Variants in BPNT1 observed in about 807,000 individuals in gnomAD.
BPNT1 encodes 3'(2'),5'-bisphosphate nucleotidase 1.
A neutral mutation model predicts 36.9 loss-of-function variants in BPNT1; 28 were observed. The observed-to-expected ratio is 0.76, with a 90% CI of 0.56 to 1.04. The LOEUF (loss-of-function observed/expected upper bound fraction) is 1.04, where lower values mean the gene tolerates loss of function less well. BPNT1 is among the 50% of genes least tolerant of loss of function. The pLI is 0.00. For synonymous variants in BPNT1, 119 were observed against 130.9 expected (o/e 0.91, Z 0.62); for missense variants, 313 against 372.9 (o/e 0.84, Z 1.32).
chr1:220,077,245 T>G (rs1011913617), intron 2 of BPNT1, among the ~76,000 whole-genome samples: 1 of 152,122 alleles, frequency 6.6e-6, no homozygotes, highest in Admixed American at 6.6e-5. Context: ...TAACTAAAAA[T>G]AACTTGAATA....
chr1:220,070,404 G>T (rs979079314), intron 4 of BPNT1, among the ~76,000 whole-genome samples: 13 of 152,080 alleles, frequency 8.5e-5, no homozygotes, highest in South Asian at 2.1e-4. Context: ...GGAGTGCAGT[G>T]GCGCGATCTC....
intron 7 of BPNT1, among the ~76,000 whole-genome samples, chr1:220,061,960 G>A (rs1401172334): frequency 6.6e-6 from 1 of 151,634 alleles, no homozygotes; most frequent in Non-Finnish European, 1.5e-5. Context: ...AATCTAAGAG[G>A]GTCCTTGGGA....
At chr1:220,083,665 C>T (rs1655433047) in intron 1 of BPNT1, among the ~76,000 whole-genome samples, 1 of 152,094 alleles carries the variant, frequency 6.6e-6, no homozygotes, top group Non-Finnish European at 1.5e-5. Context: ...CCTCGAACTG[C>T]ACCGGTCCAC....
At position 220,068,188 on chromosome 1, in the gene BPNT1, T is replaced by G. The variant is rs555858997; in HGVS notation, c.383-795A>C. ...TCATCATCATCATCATTATTATTCT[T>G]ATTTTCTTTTTTTGAAACAGAGTCT... On this transcript the variant is annotated intron_variant, in intron 5 of 8. Transcript: ENST00000322067. 3.3e-5 allele frequency among the ~76,000 whole-genome samples: 5 copies of G among 152,216 alleles called. No homozygotes were observed. In the East Asian group the frequency reaches 9.7e-4, roughly 29 times the overall value.
At chr1:220,084,829 G>C (rs909448617) in intron 1 of BPNT1, among the ~76,000 whole-genome samples, 1 of 152,058 alleles carries the variant, frequency 6.6e-6, no homozygotes, top group African/African-American at 2.4e-5. Flanking sequence ...ACATAAGAAT[G>C]GGAAAAATAA....
chr1:220,059,627 GTCT>G, intron 8 of BPNT1, 56 bp downstream of exon 8: 20 of 1,243,530 alleles, frequency 1.6e-5, no homozygotes, highest in Non-Finnish European at 2.3e-5. Context: ...GAGATATTAT[GTCT>G]TAGCATGATA....
intron 7 of BPNT1, among the ~76,000 whole-genome samples, chr1:220,062,054 CTT>C (rs1182968628): frequency 1.3e-5 from 2 of 150,922 alleles, no homozygotes; most frequent in African/African-American, 4.9e-5. Flanking sequence ...AAAAAAAAAA[CTT>C]GATTCTTAAA....
intron 6 of BPNT1, among the ~76,000 whole-genome samples, chr1:220,064,628 G>T (rs1663364928): frequency 6.6e-6 from 1 of 152,056 alleles, no homozygotes; most frequent in Admixed American, 6.6e-5. Flanking sequence ...AAGAGGGGTG[G>T]TCCTAGGTGA....
chr1:220,075,469 G>C (rs1385668391), intron 2 of BPNT1, among the ~76,000 whole-genome samples: 3 of 152,192 alleles, frequency 2.0e-5, no homozygotes, highest in Non-Finnish European at 2.9e-5. Context: ...TAGAATGTAA[G>C]CTCCACAAAA....
intron 3 of BPNT1, 91 bp from the exon 4 acceptor site, chr1:220,073,048 A>G: frequency 9.8e-7 from 1 of 1,018,230 alleles, no homozygotes. Context: ...GCAGCATCAC[A>G]GTTTTCACTA....
At chr1:220,088,293 A>G (rs1655933176) in intron 1 of BPNT1, among the ~76,000 whole-genome samples, 1 of 151,626 alleles carries the variant, frequency 6.6e-6, no homozygotes, top group Non-Finnish European at 1.5e-5. Flanking sequence ...TAGGAGTTCA[A>G]GACTAGCCTG....
intron 7 of BPNT1, among the ~76,000 whole-genome samples, chr1:220,062,509 T>C (rs1180710747): frequency 6.6e-6 from 1 of 152,084 alleles, no homozygotes; most frequent in African/African-American, 2.4e-5. Flanking sequence ...TTCCATGGTG[T>C]ATATGTGCCA....
chr1:220,078,479 A>AAT (rs58834658), intron 2 of BPNT1, among the ~76,000 whole-genome samples: 2 of 140,394 alleles, frequency 1.4e-5, no homozygotes, highest in African/African-American at 2.6e-5. Context: ...AATTTATAAT[A>AAT]AATAATAATT....
At chr1:220,072,504 A>T (rs1664157650) in intron 4 of BPNT1, among the ~76,000 whole-genome samples, 1 of 152,162 alleles carries the variant, frequency 6.6e-6, no homozygotes, top group South Asian at 2.1e-4. Flanking sequence ...TTGTTGAGAC[A>T]GAGTTTCACC....
intron 8 of BPNT1, among the ~76,000 whole-genome samples, chr1:220,059,243 CTTTTTTTTT>C (rs11292010): frequency 1.7e-5 from 1 of 57,870 alleles, no homozygotes; most frequent in African/African-American, 7.5e-5. Context: ...ATTTTCTTTT[CTTTTTTTTT>C]TTTTTTTTTT....
At position 220,079,707 on chromosome 1, in the gene BPNT1, T is replaced by C; in HGVS notation, c.120+20A>G. ...GAACAAAAATCAAGTTGGTATGAAA[T>C]GATATGAGAGTTTGAGTACCTTCTC... On this transcript the variant is annotated intron_variant, in intron 2 of 8. Coordinates refer to ENST00000322067, the MANE Select transcript of BPNT1 (RefSeq NM_006085.6). 1.2e-6 allele frequency: 2 copies of C among 1,613,402 alleles called. No homozygotes were observed. The highest frequency in any genetic ancestry group is 1.7e-6 in the Non-Finnish European group (2 of 1,179,792).
rs1315516201 is a variant in BPNT1 at position 220,082,501 on chromosome 1, A to G, written c.-8-2647T>C. On this transcript the variant is annotated intron_variant, in intron 1 of 8. Coordinates refer to ENST00000322067, the MANE Select transcript of BPNT1 (RefSeq NM_006085.6). ...CAGCCCTGGGACTATAGAGAACATT[A>G]TAAACCTCCATTCAGCAATAGTCAT... is the stretch of plus-strand genomic sequence containing the variant. 2.0e-5 allele frequency among the ~76,000 whole-genome samples: 3 copies of G among 152,028 alleles called. No homozygotes were observed. In the East Asian group the frequency reaches 5.8e-4, roughly 29 times the overall value.
At chr1:220,074,379 CA>C (rs1664353150) in intron 2 of BPNT1, among the ~76,000 whole-genome samples, 1 of 152,124 alleles carries the variant, frequency 6.6e-6, no homozygotes, top group South Asian at 2.1e-4. Context: ...CTTTTCAAGG[CA>C]AAGTTAATAG....
chr1:220,069,933 T>A (rs1294740972), intron 4 of BPNT1, among the ~76,000 whole-genome samples: 3 of 25,752 alleles, frequency 1.2e-4, no homozygotes, highest in African/African-American at 9.6e-4. Context: ...CAAAACTCCA[T>A]CTCAAAAAAA....
Sources: allele counts gnomAD v4.1 joint callset (sites outside exome capture counted in the v4.1 genomes callset), GRCh38; gene constraint gnomAD v4.1.1; transcripts MANE v1.5; gene names NCBI Gene and HGNC (gene_info 2026-07-23, HGNC 2026-07-21).